CMC1: variants seen among roughly 807,000 people sequenced by gnomAD.
CMC1 encodes the protein C-X9-C motif containing 1, also known as COX assembly mitochondrial protein homolog.
In CMC1, 14 loss-of-function variants were observed where a neutral mutation model predicts 14.1. That is an observed-to-expected ratio of 0.99 (90% CI 0.66 to 1.55). The LOEUF is 1.55. Ranked by LOEUF, CMC1 falls within the 40% of genes most tolerant of loss-of-function variation. The pLI is 0.00. For synonymous variants in CMC1, 50 were observed against 38.4 expected (o/e 1.30, Z -1.12); for missense variants, 127 against 123.8 (o/e 1.03, Z -0.12).
At chr3:28,303,920 A>G (rs1702179284) in intron 2 of CMC1, among the ~76,000 whole-genome samples, 1 of 152,144 alleles carries the variant, frequency 6.6e-6, no homozygotes, top group Non-Finnish European at 1.5e-5. Context: ...CTTAAAAAGG[A>G]TCAGTGGATA....
Position 28,316,372 on chromosome 3 carries a change from T to A in CMC1, c.149T>A (p.Val50Glu). The A allele has an allele frequency of 3.8e-6, 6 of 1,596,454 alleles. No individual in the cohort carries two copies. The highest frequency in any genetic ancestry group is 5.1e-6 in the Non-Finnish European group (6 of 1,173,288). The change falls in exon 3 of 4, where the codon GTA becomes GAA. Residue 50 changes from valine (V) to glutamate (E), a missense_variant. Val to Glu is a moderately radical substitution (Grantham distance 121). Coordinates refer to ENST00000466830, the MANE Select transcript of CMC1 (RefSeq NM_182523.2). ...KCCKNSGVLM[V>E]VKCRKENSAL... ...TGCAAGAACTCTGGAGTTCTTATGG[T>A]AGTAAAATGCCGGAAAGAAAATTCT... is the stretch of plus-strand genomic sequence containing the variant.
Position 28,324,477 on chromosome 3 carries a change from A to G in CMC1, c.*4848A>G. 1 of 1,434,640 alleles carries G rather than the reference A, an allele frequency of 7.0e-7. No homozygotes were observed. The highest frequency in any genetic ancestry group is 9.2e-7 in the Non-Finnish European group (1 of 1,085,948). 88.9% of individuals were successfully genotyped at this position (1,434,640 alleles called of 1,614,324 possible). A position where few individuals can be genotyped will look rare whatever the true frequency, so the allele number is the denominator to read the frequency against. ...AGGCTAAAAAGAAAACACAGACTAA[A>G]TGTCAGTTTTCATTACATTTGTGAT... On this transcript the variant is annotated 3_prime_UTR_variant, in exon 4 of 4. Transcript: ENST00000466830.
intron 2 of CMC1, among the ~76,000 whole-genome samples, chr3:28,291,144 A>G (rs542900624): frequency 2.9e-4 from 44 of 152,290 alleles, no homozygotes; most frequent in Non-Finnish European, 5.6e-4. Context: ...AAGACATGCC[A>G]CAGTCTTTTG....
intron 2 of CMC1, among the ~76,000 whole-genome samples, chr3:28,264,818 A>G (rs1699923396): frequency 6.6e-6 from 1 of 152,156 alleles, no homozygotes; most frequent in African/African-American, 2.4e-5. Context: ...AAAGTTACAC[A>G]TATAAGTTGT....
At chr3:28,299,731 T>TA (rs1052468236) in intron 2 of CMC1, among the ~76,000 whole-genome samples, 3 of 152,018 alleles carry the variant, frequency 2.0e-5, no homozygotes, top group South Asian at 4.1e-4. Context: ...CCTGGGACAT[T>TA]AAAAAAAACT....
chr3:28,287,567 T>G (rs555228617), intron 2 of CMC1, among the ~76,000 whole-genome samples: 1 of 152,118 alleles, frequency 6.6e-6, no homozygotes, highest in African/African-American at 2.4e-5. Context: ...AATAAGCACA[T>G]TTCTATACTA....
chr3:28,274,219 T>TTTTTTTTTTTTTG (rs1700455263), intron 2 of CMC1, among the ~76,000 whole-genome samples: 1 of 126,196 alleles, frequency 7.9e-6, no homozygotes, highest in African/African-American at 3.2e-5. Flanking sequence ...TTTGTTTTTT[T>TTTTTTTTTTTTTG]CTTTTTTTTT....
At chr3:28,312,052 A>C (rs986205791) in intron 2 of CMC1, among the ~76,000 whole-genome samples, 2 of 152,192 alleles carry the variant, frequency 1.3e-5, no homozygotes, top group South Asian at 4.1e-4. Flanking sequence ...AGTCTGCCCT[A>C]CTATGTTCTT....
At chr3:28,319,022 T>C in intron 3 of CMC1, 1 of 341,786 alleles carries the variant, frequency 2.9e-6, no homozygotes, top group South Asian at 2.3e-5. Context: ...TAATCTGCTA[T>C]AGTGGTACCT....
chr3:28,307,403 C>G (rs943066240), intron 2 of CMC1, among the ~76,000 whole-genome samples: 3 of 152,174 alleles, frequency 2.0e-5, no homozygotes, highest in Non-Finnish European at 4.4e-5. Context: ...GTGCTGCACA[C>G]CTGTAGTCCT....
intron 2 of CMC1, among the ~76,000 whole-genome samples, chr3:28,279,945 A>C (rs190277938): frequency 9.8e-4 from 149 of 152,320 alleles, no homozygotes; most frequent in Middle Eastern, 6.8e-3. Context: ...CGTAAACAAA[A>C]AAGGCCTGTA....
Position 28,241,758 on chromosome 3 carries a change from G to T in CMC1, c.-36G>T. The T allele has an allele frequency of 8.1e-7, 1 of 1,241,668 alleles. No individual in the cohort carries two copies. Among genetic ancestry groups the T allele is most frequent in the Non-Finnish European group, 1.0e-6 (1 of 988,088 alleles). The allele number at this position is 1,241,668 out of a possible 1,614,324, so 76.9% of individuals were successfully genotyped here. On this transcript the variant is annotated 5_prime_UTR_variant, in exon 1 of 4. Coordinates refer to ENST00000466830, the MANE Select transcript of CMC1 (RefSeq NM_182523.2). ...CACTCCCCTTCCTGCGTGCCCCGGA[G>T]CCGCCAAGCGGCTACGTTCTTCTCG...
Position 28,320,672 on chromosome 3 carries a change from T to TA in CMC1, c.*1045dup, listed in dbSNP as rs1303053259. 6.6e-6 allele frequency: 1 copy of TA among 151,538 alleles called. No individual in the cohort carries two copies. The highest frequency in any genetic ancestry group is 1.5e-5 in the Non-Finnish European group (1 of 67,686). 9.4% of individuals were successfully genotyped at this position (151,538 alleles called of 1,614,324 possible). A position where few individuals can be genotyped will look rare whatever the true frequency, so the allele number is the denominator to read the frequency against. On this transcript the variant is annotated 3_prime_UTR_variant, in exon 4 of 4. Transcript: ENST00000466830. ...AGAATTTTCTAAAACATAATGTTCT[T>TA]AACCTGATAACTTGTTAGTCCTTTA...
chr3:28,263,192 T>C, intron 1 of CMC1, 99 bp from the exon 2 acceptor site: 1 of 790,186 alleles, frequency 1.3e-6, no homozygotes, highest in Non-Finnish European at 2.0e-6. Context: ...TTGAGTATAT[T>C]TGCATAGGCT....
chr3:28,316,480 T>G, intron 3 of CMC1, 57 bp downstream of exon 3: 1 of 951,348 alleles, frequency 1.1e-6, no homozygotes, highest in South Asian at 1.6e-5. Context: ...GATAAGAGTA[T>G]GTTACTTAAC....
chr3:28,251,936 G>A (rs140961041), intron 1 of CMC1, among the ~76,000 whole-genome samples: 109 of 152,240 alleles, frequency 7.2e-4, no homozygotes, highest in Non-Finnish European at 1.3e-3. Flanking sequence ...ATTTTCTGCC[G>A]GATATCAGTG....
chr3:28,288,824 A>T (rs1701328143), intron 2 of CMC1, among the ~76,000 whole-genome samples: 1 of 151,584 alleles, frequency 6.6e-6, no homozygotes, highest in South Asian at 2.1e-4. Flanking sequence ...ATAATTTTTT[A>T]AAGTATACTC....
intron 2 of CMC1, among the ~76,000 whole-genome samples, chr3:28,273,120 T>A (rs1259029007): frequency 6.6e-6 from 1 of 152,206 alleles, no homozygotes; most frequent in East Asian, 1.9e-4. Context: ...TTTGTACCTC[T>A]GGTAGAATTC....
chr3:28,298,313 G>T (rs1204789441), intron 2 of CMC1: 1 of 151,516 alleles, frequency 6.6e-6, no homozygotes, highest in African/African-American at 2.4e-5. Context: ...TTCTGTGAAG[G>T]GATATATACC....
Sources: gnomAD v4.1 joint callset for allele counts (sites outside exome capture counted in the v4.1 genomes callset) on GRCh38, gnomAD v4.1.1 for gene constraint, MANE v1.5 for transcripts, NCBI Gene and HGNC (gene_info 2026-07-23, HGNC 2026-07-21) for gene names.